FDXR: variants seen among roughly 807,000 people sequenced by gnomAD.
FDXR encodes the protein ferredoxin reductase, also known as NADPH:adrenodoxin oxidoreductase, mitochondrial.
Under a neutral mutation model 58.3 loss-of-function variants are expected in FDXR, and 38 were observed. The ratio of observed to expected loss-of-function variants is 0.65; its 90% CI spans 0.50 to 0.85. FDXR has a LOEUF of 0.85. Among genes scored for constraint, FDXR ranks in the 40% least tolerant of loss-of-function variants. FDXR has a pLI of 0.00. For missense variants in FDXR, 624 were observed against 671.0 expected, an observed-to-expected ratio of 0.93 and a Z score of 0.77; for synonymous variants, 275 against 273.8, an observed-to-expected ratio of 1.00 and a Z score of -0.04.
In FDXR at chr17:74,866,828, C is replaced by G; in HGVS notation, c.226G>C (p.Gly76Arg). 6.2e-7 allele frequency: 1 copy of G among 1,614,198 alleles called. No homozygotes were observed. Among genetic ancestry groups the G allele is most frequent in the Non-Finnish European group, 8.5e-7 (1 of 1,180,034 alleles). ...GGCGCCACACCAAAGCGCACCAGGC[C>G]AAAGGGCACAGGCTGTTTCTCGTAG... ...DIYEKQPVPFGLVRFGVAPDH... is the reference protein window; with the variant it reads ...DIYEKQPVPFRLVRFGVAPDH... The change falls in exon 3 of 12, where the codon GGC (glycine) becomes CGC (arginine). Residue 76 changes from glycine to arginine, a missense_variant. By Grantham distance (125) the Gly-to-Arg change is moderately radical. Transcript: ENST00000293195.
intron 2 of FDXR, among the ~76,000 whole-genome samples, chr17:74,871,156 A>G (rs2038363512): frequency 6.6e-6 from 1 of 152,020 alleles, no homozygotes. Context: ...CGCTGCCCAC[A>G]TTATTGTAAT....
chr17:74,871,610 A>G (rs1443265347), intron 2 of FDXR, among the ~76,000 whole-genome samples: 2 of 152,142 alleles, frequency 1.3e-5, no homozygotes, highest in East Asian at 1.9e-4. Context: ...GACTGGAGCT[A>G]TGGGTGAGGA....
intron 2 of FDXR, among the ~76,000 whole-genome samples, chr17:74,869,663 CCA>C (rs2038306317): frequency 6.6e-6 from 1 of 152,158 alleles, no homozygotes; most frequent in African/African-American, 2.4e-5. Context: ...TCCCCGCACC[CCA>C]GTCTCTGTGC....
Position 74,867,092 on chromosome 17 carries a change from A to T in FDXR, c.178-216T>A, listed in dbSNP as rs914585100. 30 of 1,000,474 alleles carry T rather than the reference A, an allele frequency of 3.0e-5. No homozygotes were observed. The African/African-American group carries it at 3.6e-4, about 12-fold the overall frequency. 62.0% of individuals were successfully genotyped at this position (1,000,474 alleles called of 1,614,324 possible). A position where few individuals can be genotyped will look rare whatever the true frequency, so the allele number is the denominator to read the frequency against. The stretch of plus-strand genomic sequence containing the variant: ...GAGGCTGAGGCAGGTGGATAACCTG[A>T]GGTCAGGAGTTCGAGACCAGCCTGA... On this transcript the variant is annotated intron_variant, in intron 2 of 11. Coordinates refer to ENST00000293195, the MANE Select transcript of FDXR (RefSeq NM_024417.5).
chr17:74,864,098 G>A (rs770841208), intron 9 of FDXR, 31 bp from the exon 10 acceptor site: 18 of 1,613,484 alleles, frequency 1.1e-5, no homozygotes, highest in Middle Eastern at 1.6e-4. Flanking sequence ...AACACCAGGC[G>A]GGTGGCAGAG....
Position 74,872,866 on chromosome 17 carries a change from T to G in FDXR, c.79A>C (p.Ser27Arg). The G allele has an allele frequency of 6.5e-7, 1 of 1,547,268 alleles. No individual in the cohort carries two copies. The highest frequency in any genetic ancestry group is 8.7e-7 in the Non-Finnish European group (1 of 1,146,876). Reference sequence around the variant, plus strand: ...AGCCCCAAAGGCGCCCTGCTCCTACTCGGGGTGCTCCCGGCGGGAGGCAGC... The same window carrying G: ...AGCCCCAAAGGCGCCCTGCTCCTACGCGGGGTGCTCCCGGCGGGAGGCAGC... The part of the protein sequence containing the change: ...TRLPPAGSTP[S>R]FCHHFSTQEK... The change falls in exon 1 of 12, where the codon AGC (serine) becomes CGC (arginine). Residue 27 changes from serine (S) to arginine (R), a missense_variant and splice_region_variant. By Grantham distance (110) the Ser-to-Arg change is moderately radical. Coordinates refer to ENST00000293195, the MANE Select transcript of FDXR (RefSeq NM_024417.5).
intron 1 of FDXR, 133 bp downstream of exon 1, chr17:74,872,733 G>A (rs1383083862): frequency 2.6e-6 from 4 of 1,522,810 alleles, no homozygotes; most frequent in African/African-American, 1.4e-5. Context: ...ACACCACCGG[G>A]ATCTCGCCAG....
rs1349720950 is a variant in FDXR, at chr17:74,872,948, T to C, written c.-4A>G. 7 of 1,554,596 alleles carry C rather than the reference T, an allele frequency of 4.5e-6. No homozygotes were observed. Among genetic ancestry groups the C allele is most frequent in the Middle Eastern group, 1.7e-4 (1 of 5,988 alleles). ...AGCGCCAGCAGCGCGAAGCCATGGC[T>C]GGGAGCAGCAACCTGCAAGTGGATC... On this transcript the variant is annotated 5_prime_UTR_variant, in exon 1 of 12. Coordinates refer to ENST00000293195, the MANE Select transcript of FDXR (RefSeq NM_024417.5).
chr17:74,866,595 G>A, intron 3 of FDXR, 27 bp from the exon 4 acceptor site: 1 of 1,613,336 alleles, frequency 6.2e-7, no homozygotes, highest in Non-Finnish European at 8.5e-7. Context: ...GAATGGGAGG[G>A]GTTAGAGGGT....
intron 2 of FDXR, among the ~76,000 whole-genome samples, chr17:74,870,453 G>A (rs1343391692): frequency 7.2e-6 from 1 of 139,632 alleles, no homozygotes; most frequent in Non-Finnish European, 1.5e-5. Context: ...GGAGATGGAG[G>A]TTGAAGTGAG....
At chr17:74,868,882 G>C in intron 2 of FDXR, 1 of 775,876 alleles carries the variant, frequency 1.3e-6, no homozygotes, top group South Asian at 1.9e-5. Flanking sequence ...ATCTCCCCAA[G>C]CTCCAAACCT....
intron 6 of FDXR, 66 bp downstream of exon 6, chr17:74,865,653 G>C: frequency 8.8e-7 from 1 of 1,134,442 alleles, no homozygotes; most frequent in Non-Finnish European, 1.3e-6. Context: ...GAACCCTGCA[G>C]ACAAGGGCAC....
chr17:74,864,958 C>A, intron 6 of FDXR, 27 bp from the exon 7 acceptor site: 6 of 1,613,946 alleles, frequency 3.7e-6, no homozygotes, highest in Non-Finnish European at 5.1e-6. Context: ...GCCTTGGAGT[C>A]ATCAGACACT....
In FDXR at chr17:74,872,111, T is replaced by C. The variant is rs2038393528; in HGVS notation, c.102A>G (p.Thr34=). Residue 34 remains threonine (T), a synonymous_variant, in exon 2 of 12, where the codon ACA becomes ACG. Transcript: ENST00000293195. ...STPSFCHHFS[T]QEKTPQICVV... ...CACAGATCTGGGGGGTCTTCTCCTG[T>C]GTGGAGAAATGGTGGCAGAAGCCTG... 6.2e-7 allele frequency: 1 copy of C among 1,606,174 alleles called. No individual in the cohort carries two copies. The highest frequency in any genetic ancestry group is 8.5e-7 in the Non-Finnish European group (1 of 1,176,054).
At chr17:74,869,165 T>C (rs1163180969) in intron 2 of FDXR, among the ~76,000 whole-genome samples, 2 of 152,120 alleles carry the variant, frequency 1.3e-5, no homozygotes, top group Non-Finnish European at 2.9e-5. Context: ...AGAGGGGGCA[T>C]CCTGAAGGAA....
Position 74,866,443 on chromosome 17 carries a change from CA to C in FDXR, c.393+2del. 3 of 1,612,904 alleles carry C rather than the reference CA, an allele frequency of 1.9e-6. No individual in the cohort carries two copies. The highest frequency in any genetic ancestry group is 2.5e-6 in the Non-Finnish European group (3 of 1,179,700). On this transcript the variant is annotated splice_donor_variant, in intron 4 of 11. Transcript: ENST00000293195. LOFTEE classifies it high-confidence loss of function. ...CCCCAAGCCAGGGCCTAGCTGCACT[CA>C]CCAGCACCACAGCGTGGTAGGCCTC... is the stretch of plus-strand genomic sequence containing the variant.
intron 1 of FDXR, chr17:74,872,519 T>C (rs1598543852): frequency 1.6e-6 from 1 of 616,628 alleles, no homozygotes; most frequent in East Asian, 2.8e-5. Context: ...CAAAACGCTA[T>C]ATTGCCCATA....
rs1249783499 is a variant in FDXR at position 74,872,968 on chromosome 17, T to A, written c.-24A>T. 1.3e-6 allele frequency: 2 copies of A among 1,546,774 alleles called. No individual in the cohort carries two copies. Among genetic ancestry groups the A allele is most frequent in the Non-Finnish European group, 1.7e-6 (2 of 1,145,304 alleles). ...ATGGCTGGGAGCAGCAACCTGCAAGTGGATCTGTTCCTAGCTACTGCTCCG... is the reference window on the plus strand; with the variant it reads ...ATGGCTGGGAGCAGCAACCTGCAAGAGGATCTGTTCCTAGCTACTGCTCCG... On this transcript the variant is annotated 5_prime_UTR_variant, in exon 1 of 12. Coordinates refer to ENST00000293195, the MANE Select transcript of FDXR (RefSeq NM_024417.5).
chr17:74,872,001 G>C, intron 2 of FDXR, 35 bp downstream of exon 2: 1 of 1,484,636 alleles, frequency 6.7e-7, no homozygotes, highest in Non-Finnish European at 9.1e-7. Flanking sequence ...GACTGGAGCA[G>C]CAGGTGAATG....
Sources: gnomAD v4.1 joint callset for allele counts (sites outside exome capture counted in the v4.1 genomes callset) on GRCh38, gnomAD v4.1.1 for gene constraint, MANE v1.5 for transcripts, NCBI Gene and HGNC (gene_info 2026-07-23, HGNC 2026-07-21) for gene names.